Variants in TMC8 observed in about 807,000 individuals in gnomAD.
TMC8 encodes transmembrane channel-like protein 8.
Under a neutral mutation model 76.0 loss-of-function variants are expected in TMC8, and 71 were observed. The observed-to-expected ratio is 0.93, with a 90% confidence interval of 0.77 to 1.14. The LOEUF is 1.14. Ranked by LOEUF, TMC8 falls within the 50% of genes most tolerant of loss-of-function variation. The pLI is 0.00. For synonymous variants in TMC8, 433 were observed against 433.8 expected (o/e 1.00, Z 0.02); for missense variants, 924 against 947.9 (o/e 0.97, Z 0.33).
Position 78,132,815 on chromosome 17 carries a change from C to G in TMC8, c.476C>G (p.Ser159Cys), listed in dbSNP as rs1238460007. The G allele has an allele frequency of 1.9e-6, 3 of 1,614,202 alleles. No homozygotes were observed. Among genetic ancestry groups the G allele is most frequent in the East Asian group, 4.5e-5 (2 of 44,882 alleles). The change falls in exon 5 of 16, where the codon TCC becomes TGC. Residue 159 changes from serine (S) to cysteine (C), a missense_variant. By Grantham distance (112) the Ser-to-Cys change is moderately radical. Transcript: ENST00000318430. ...CTCCAGTGCCCTGGTAGCCGCCAGT[C>G]CCCGCCTGGCGTTTTGAGGTTCCAC... ...LTLQCPGSRQ[S>C]PPGVLRFHNQ...
chr17:78,137,359 G>C lies in TMC8; in HGVS notation c.1251+1G>C. 1.2e-6 allele frequency: 2 copies of C among 1,613,898 alleles called. No individual in the cohort carries two copies. On this transcript the variant is annotated splice_donor_variant, in intron 10 of 15. Transcript: ENST00000318430. LOFTEE classifies it high-confidence loss of function. ...CGGCTACAACGTTTGTGACTATCAG[G>C]TGGCTGGCAGCCCGGCGGGGCCTGT...
At position 78,141,081 on chromosome 17, in the gene TMC8, G is replaced by C; in HGVS notation, c.2150G>C (p.Arg717Thr). The C allele has an allele frequency of 6.3e-7, 1 of 1,585,700 alleles. No homozygotes were observed. The highest frequency in any genetic ancestry group is 8.5e-7 in the Non-Finnish European group (1 of 1,169,802). The part of the protein sequence containing the change: ...GQHGAPASAR[R>T]FRFPSGAEL ...CACGGTGCCCCGGCCTCCGCCCGCA[G>C]ATTCCGCTTCCCCAGCGGCGCGGAG... The change falls in exon 16 of 16, where the codon AGA becomes ACA. Residue 717 changes from arginine (R) to threonine (T), a missense_variant. Physicochemically the swap from Arg to Thr is moderately conservative, Grantham distance 71. Coordinates refer to ENST00000318430, the MANE Select transcript of TMC8 (RefSeq NM_152468.5).
In TMC8 at chr17:78,131,973, G is replaced by A; in HGVS notation, c.241G>A (p.Ala81Thr). 1 of 1,522,568 alleles carries A rather than the reference G, an allele frequency of 6.6e-7. No homozygotes were observed. Among genetic ancestry groups the A allele is most frequent in the South Asian group, 1.2e-5 (1 of 83,270 alleles). The allele number at this position is 1,522,568 out of a possible 1,614,324, so 94.3% of individuals were successfully genotyped here. The part of the protein sequence containing the change: ...QTVERRLREA[A>T]QRLARGLGLW... Reference sequence around the variant, plus strand: ...GGTGGAAAGGCGCCTGCGGGAGGCAGCGCAGCGGCTGGCCCGGGGCCTTGG... The same window carrying A: ...GGTGGAAAGGCGCCTGCGGGAGGCAACGCAGCGGCTGGCCCGGGGCCTTGG... The change falls in exon 3 of 16, where the codon GCG becomes ACG. Residue 81 changes from alanine (A) to threonine (T), a missense_variant. Transcript: ENST00000318430.
chr17:78,140,687 G>T (rs1026966706), intron 15 of TMC8, 147 bp from the exon 16 acceptor site: 7 of 1,121,060 alleles, frequency 6.2e-6, no homozygotes, highest in African/African-American at 3.1e-5. Context: ...GTGGCCTCGA[G>T]CGGGGCGTGG....
chr17:78,131,670 C>A lies in TMC8; in HGVS notation c.82C>A (p.Arg28=). 1 of 1,569,786 alleles carries A rather than the reference C, an allele frequency of 6.4e-7. No individual in the cohort carries two copies. The highest frequency in any genetic ancestry group is 8.6e-7 in the Non-Finnish European group (1 of 1,158,874). Residue 28 remains arginine, a synonymous_variant, in exon 2 of 16, where the codon CGG becomes AGG. Transcript: ENST00000318430. ...PEELWEAEME[R]LRGSGTPVRG... ...GGAGCTGTGGGAGGCAGAGATGGAG[C>A]GGCTGCGCGGCTCTGGGACGCCCGT...
At chr17:78,135,962 G>C (rs575745540) in intron 9 of TMC8, among the ~76,000 whole-genome samples, 2 of 152,278 alleles carry the variant, frequency 1.3e-5, no homozygotes, top group African/African-American at 4.8e-5. Flanking sequence ...GCTGAGGCAG[G>C]AGAATCACTC....
At position 78,137,802 on chromosome 17, in the gene TMC8, C is replaced by T. The variant is rs1268870806; in HGVS notation, c.1337C>T (p.Thr446Ile). ...ACCGTGGCCTTCGCCTTCCTGGTCA[C>T]CCTGCCTCGGAGGTGAGCCCCGGGG... ...LLTVAFAFLVTLPRRLLVDRF... is the reference protein window; with the variant it reads ...LLTVAFAFLVILPRRLLVDRF... Residue 446 changes from threonine (T) to isoleucine (I), a missense_variant, in exon 11 of 16, where the codon ACC becomes ATC. Coordinates refer to ENST00000318430, the MANE Select transcript of TMC8 (RefSeq NM_152468.5). 1 of 1,613,222 alleles carries T rather than the reference C, an allele frequency of 6.2e-7. No homozygotes were observed. The highest frequency in any genetic ancestry group is 2.2e-5 in the East Asian group (1 of 44,900).
chr17:78,139,726 CT>C (rs2075326034), intron 15 of TMC8, among the ~76,000 whole-genome samples: 1 of 78,446 alleles, frequency 1.3e-5, no homozygotes, highest in Non-Finnish European at 2.4e-5. Flanking sequence ...CCCGTCTCTA[CT>C]TAAAAAAAAA....
chr17:78,131,340 G>T lies in TMC8; in HGVS notation c.-249G>T. 1.7e-6 allele frequency: 1 copy of T among 591,816 alleles called. No individual in the cohort carries two copies. 36.7% of individuals were successfully genotyped at this position (591,816 alleles called of 1,614,324 possible). On this transcript the variant is annotated 5_prime_UTR_variant, in exon 2 of 16. Coordinates refer to ENST00000318430, the MANE Select transcript of TMC8 (RefSeq NM_152468.5). ...TGAGAGTTGGAGCGGGGCTGGGCCCGAATTCGACCGCAGCAGGATTCTCTC... is the reference window on the plus strand; with the variant it reads ...TGAGAGTTGGAGCGGGGCTGGGCCCTAATTCGACCGCAGCAGGATTCTCTC...
chr17:78,134,440 C>G lies in TMC8; in HGVS notation c.863C>G (p.Thr288Ser). The change falls in exon 8 of 16, where the codon ACC (threonine) becomes AGC (serine). Residue 288 changes from threonine to serine, a missense_variant. Transcript: ENST00000318430. ...GRRFQLMQQQ[T>S]RAQTACRLLS... ...CGCTTCCAGCTGATGCAGCAGCAGA[C>G]CCGGGCCCAGACGGCCTGCCGCCTG... 1 of 1,613,614 alleles carries G rather than the reference C, an allele frequency of 6.2e-7. No homozygotes were observed. The highest frequency in any genetic ancestry group is 8.5e-7 in the Non-Finnish European group (1 of 1,180,026).
At chr17:78,133,787 G>A in intron 6 of TMC8, 66 bp from the exon 7 acceptor site, 2 of 1,609,326 alleles carry the variant, frequency 1.2e-6, no homozygotes, top group South Asian at 1.1e-5. Context: ...CCAGAGCCGA[G>A]CCAAGGCTGA....
At position 78,137,278 on chromosome 17, in the gene TMC8, T is replaced by A; in HGVS notation, c.1171T>A (p.Ser391Thr). The A allele has an allele frequency of 6.2e-7, 1 of 1,613,976 alleles. No individual in the cohort carries two copies. The stretch of plus-strand genomic sequence containing the variant: ...GGCCAGCTTGGGGATGTTCTCCGTC[T>A]CCCTGGGTCAGACCATACTGTGCAT... The part of the protein sequence containing the change: ...KLASLGMFSV[S>T]LGQTILCIGR... The change falls in exon 10 of 16, where the codon TCC (serine) becomes ACC (threonine). Residue 391 changes from serine (S) to threonine (T), a missense_variant. Ser to Thr is a moderately conservative substitution (Grantham distance 58). Coordinates refer to ENST00000318430, the MANE Select transcript of TMC8 (RefSeq NM_152468.5).
Position 78,133,856 on chromosome 17 carries a change from G to A in TMC8, c.672G>A (p.Met224Ile), listed in dbSNP as rs1406258600. The change falls in exon 7 of 16, where the codon ATG (methionine) becomes ATA (isoleucine). Residue 224 changes from methionine to isoleucine, a missense_variant. Physicochemically the swap from Met to Ile is conservative, Grantham distance 10. Coordinates refer to ENST00000318430, the MANE Select transcript of TMC8 (RefSeq NM_152468.5). ...LLCFCGTLRR[M>I]VKGLPQKTLL... ...CCCCTGGTCTCCTGCCCCGCAGGAT[G>A]GTGAAGGGGCTGCCGCAGAAGACTC... 1 of 1,613,100 alleles carries A rather than the reference G, an allele frequency of 6.2e-7. No individual in the cohort carries two copies. Among genetic ancestry groups the A allele is most frequent in the Admixed American group, 1.7e-5 (1 of 60,008 alleles).
chr17:78,140,942 C>G lies in TMC8; in HGVS notation c.2011C>G (p.Pro671Ala). ...PKYPASQASRPQSFCPGCPCP... is the reference protein window; with the variant it reads ...PKYPASQASRAQSFCPGCPCP... ...GTACCCTGCCTCCCAAGCTTCGCGC[C>G]CGCAGTCCTTCTGCCCCGGATGCCC... Residue 671 changes from proline (P) to alanine (A), a missense_variant, in exon 16 of 16, where the codon CCG becomes GCG. Transcript: ENST00000318430. The G allele has an allele frequency of 1.3e-6, 2 of 1,595,440 alleles. No individual in the cohort carries two copies. The highest frequency in any genetic ancestry group is 1.7e-6 in the Non-Finnish European group (2 of 1,171,796).
chr17:78,142,896 T>A lies in TMC8; in HGVS notation c.*1784T>A, dbSNP rs2075395711. On this transcript the variant is annotated 3_prime_UTR_variant, in exon 16 of 16. Coordinates refer to ENST00000318430, the MANE Select transcript of TMC8 (RefSeq NM_152468.5). Reference sequence around the variant, plus strand: ...AATCATCAAACTCTGGGCCTCGGTGTGCTCACCCAGGGCGAGACAAAGACG... The same window carrying A: ...AATCATCAAACTCTGGGCCTCGGTGAGCTCACCCAGGGCGAGACAAAGACG... 1 of 151,346 alleles carries A rather than the reference T, an allele frequency of 6.6e-6. No individual in the cohort carries two copies. The highest frequency in any genetic ancestry group is 2.4e-5 in the African/African-American group (1 of 41,094). The allele number at this position is 151,346 out of a possible 1,614,324, so 9.4% of individuals were successfully genotyped here. A position where few individuals can be genotyped will look rare whatever the true frequency, so the allele number is the denominator to read the frequency against.
At chr17:78,137,199 C>G in intron 9 of TMC8, 36 bp from the exon 10 acceptor site, 2 of 1,612,182 alleles carry the variant, frequency 1.2e-6, no homozygotes, top group Non-Finnish European at 1.7e-6. Context: ...GCCCATGTGC[C>G]TGGGCCCCTC....
chr17:78,138,538 C>T lies in TMC8; in HGVS notation c.1665-36C>T, dbSNP rs374409348. 13 of 1,613,612 alleles carry T rather than the reference C, an allele frequency of 8.1e-6. No individual in the cohort carries two copies. In the African/African-American group the frequency reaches 1.3e-4, roughly 17 times the overall value. On this transcript the variant is annotated intron_variant, in intron 13 of 15. Coordinates refer to ENST00000318430, the MANE Select transcript of TMC8 (RefSeq NM_152468.5). ...GGCAGGGGCAGTTTCTCACCCAGGACCCTGATGCCAGCCCCACTTGGCCAT... is the reference window on the plus strand; with the variant it reads ...GGCAGGGGCAGTTTCTCACCCAGGATCCTGATGCCAGCCCCACTTGGCCAT...
chr17:78,137,800 C>T lies in TMC8; in HGVS notation c.1335C>T (p.Val445=). The change falls in exon 11 of 16, where the codon GTC becomes GTT. Residue 445 remains valine (V), a synonymous_variant. Coordinates refer to ENST00000318430, the MANE Select transcript of TMC8 (RefSeq NM_152468.5). ...TCACCGTGGCCTTCGCCTTCCTGGT[C>T]ACCCTGCCTCGGAGGTGAGCCCCGG... ...FLLTVAFAFL[V]TLPRRLLVDR... is the part of the protein sequence containing the mutation. 6.2e-7 allele frequency: 1 copy of T among 1,613,336 alleles called. No homozygotes were observed. Among genetic ancestry groups the T allele is most frequent in the Non-Finnish European group, 8.5e-7 (1 of 1,179,994 alleles).
chr17:78,138,306 G>T, intron 12 of TMC8, 43 bp from the exon 13 acceptor site: 1 of 1,610,772 alleles, frequency 6.2e-7, no homozygotes. Context: ...CCTGGGGTCT[G>T]CATAACTCGC....
Sources: allele counts gnomAD v4.1 joint callset (sites outside exome capture counted in the v4.1 genomes callset), GRCh38; gene constraint gnomAD v4.1.1; transcripts MANE v1.5; gene names NCBI Gene and HGNC (gene_info 2026-07-23, HGNC 2026-07-21).